LINGO2: variants seen among roughly 807,000 people sequenced by gnomAD.
The protein encoded by LINGO2 is leucine rich repeat and Ig domain containing 2, also known as leucine-rich repeat and immunoglobulin-like domain-containing nogo receptor-interacting protein 2.
In LINGO2, 14 loss-of-function variants were observed where a neutral mutation model predicts 30.6. That is an observed-to-expected ratio of 0.46 (90% CI 0.30 to 0.72). LINGO2 has a LOEUF of 0.72. Ranked by LOEUF, LINGO2 falls within the 30% of genes least tolerant of loss-of-function variation. LINGO2 has a pLI of 0.07. For synonymous variants in LINGO2, 317 were observed against 288.5 expected, an observed-to-expected ratio of 1.10 and a Z score of -1.00; for missense variants, 729 against 751.7, an observed-to-expected ratio of 0.97 and a Z score of 0.35.
At chr9:28,664,820 C>T (rs978145169) in intron 1 of LINGO2, among the ~76,000 whole-genome samples, 66 of 151,756 alleles carry the variant, frequency 4.3e-4, no homozygotes, top group African/African-American at 1.5e-3. Context: ...CAACACAATT[C>T]AAAGTAGCCA....
chr9:29,147,732 A>C, the LINGO2 span, among the ~76,000 whole-genome samples: 1 of 152,098 alleles, frequency 6.6e-6, no homozygotes, highest in Admixed American at 6.5e-5. Context: ...TTTATTTCTG[A>C]GGACAAGCCA....
rs200988453 is a variant in LINGO2 at position 28,028,710 on chromosome 9, CCATG to C, written c.-86-16309_-86-16306del. 1.9e-3 allele frequency among the ~76,000 whole-genome samples: 286 copies of C among 152,110 alleles called. 2 individuals carry two copies. The highest frequency in any genetic ancestry group is 0.014 in the Middle Eastern group (4 of 294). On this transcript the variant is annotated intron_variant, in intron 4 of 5. Transcript: ENST00000379992. ...TTGTAACATTAAAACAATATAAATG[CCATG>C]CAAATTGTTATATTGTATTTGTGTT... is the stretch of plus-strand genomic sequence containing the variant.
chr9:27,945,963 AT>A (rs1215533965), downstream of LINGO2, among the ~76,000 whole-genome samples: 4 of 152,082 alleles, frequency 2.6e-5, no homozygotes, highest in Admixed American at 2.6e-4. Flanking sequence ...CACAGTCAAT[AT>A]TTTTTTGGTA....
chr9:29,128,466 A>G, the LINGO2 span, among the ~76,000 whole-genome samples: 6 of 152,112 alleles, frequency 3.9e-5, no homozygotes, highest in East Asian at 3.9e-4. Context: ...TTTGGCCCCA[A>G]TATTGTTTGG....
intron 4 of LINGO2, among the ~76,000 whole-genome samples, chr9:28,201,180 A>T (rs576368795): frequency 2.1e-4 from 30 of 145,240 alleles, no homozygotes; most frequent in African/African-American, 7.4e-4. Flanking sequence ...GCACCCACTA[A>T]CTCGTCATCT....
In LINGO2 at chr9:28,292,139, T is replaced by C. The variant is rs186004714; in HGVS notation, c.-87+3069A>G. Among the ~76,000 whole-genome samples the C allele has an allele frequency of 4.6e-5, 7 of 152,334 alleles. No homozygotes were observed. The East Asian group carries it at 1.4e-3, about 29-fold the overall frequency. ...CATTTGATCTGTGGAAGCACTTGTT[T>C]GGATAAGTTAGGCTCCAACATGTAT... On this transcript the variant is annotated intron_variant, in intron 4 of 5. Transcript: ENST00000379992.
At chr9:28,145,424 T>C (rs561112442) in intron 4 of LINGO2, among the ~76,000 whole-genome samples, 4 of 152,352 alleles carry the variant, frequency 2.6e-5, no homozygotes, top group Admixed American at 2.6e-4. Flanking sequence ...TATGTTTATA[T>C]AGTATTTTCT....
chr9:29,101,989 T>TA, the LINGO2 span, among the ~76,000 whole-genome samples: 1 of 152,180 alleles, frequency 6.6e-6, no homozygotes, highest in Non-Finnish European at 1.5e-5. Context: ...CCAGCTTCCA[T>TA]AGTGCTTTAT....
At chr9:28,877,719 T>C in the LINGO2 span, among the ~76,000 whole-genome samples, 12 of 152,324 alleles carry the variant, frequency 7.9e-5, no homozygotes, top group Admixed American at 5.9e-4. Context: ...GGCTTAGGAT[T>C]GACTTGGCAA....
intron 4 of LINGO2, among the ~76,000 whole-genome samples, chr9:28,293,396 C>A (rs1378998676): frequency 6.6e-6 from 1 of 152,152 alleles, no homozygotes; most frequent in Non-Finnish European, 1.5e-5. Flanking sequence ...CTGTACCCAG[C>A]CACAAATTCT....
At chr9:29,032,972 A>C in the LINGO2 span, among the ~76,000 whole-genome samples, 2 of 152,130 alleles carry the variant, frequency 1.3e-5, no homozygotes, top group Admixed American at 1.3e-4. Context: ...GGACTAGTGG[A>C]ATGAATTTGA....
chr9:28,040,553 G>A (rs1232508735), intron 4 of LINGO2, among the ~76,000 whole-genome samples: 1 of 145,720 alleles, frequency 6.9e-6, no homozygotes, highest in Non-Finnish European at 1.5e-5. Flanking sequence ...TATGAACCAT[G>A]TCATAATAGA....
At chr9:28,538,393 A>G (rs1184916666) in intron 1 of LINGO2, among the ~76,000 whole-genome samples, 2 of 152,066 alleles carry the variant, frequency 1.3e-5, no homozygotes, top group African/African-American at 4.8e-5. Context: ...TATTTGGAAG[A>G]GGTTGATAGA....
the LINGO2 span, among the ~76,000 whole-genome samples, chr9:28,876,385 G>T: frequency 8.6e-5 from 13 of 151,506 alleles, no homozygotes; most frequent in East Asian, 1.9e-3. Context: ...TATCTCCTAA[G>T]GCTATCCCTC....
At chr9:28,230,462 A>C (rs1821318481) in intron 4 of LINGO2, among the ~76,000 whole-genome samples, 1 of 151,840 alleles carries the variant, frequency 6.6e-6, no homozygotes, top group Non-Finnish European at 1.5e-5. Context: ...TGTTTCAATA[A>C]CTGTAGCTTT....
At chr9:28,053,463 T>A (rs1358760306) in intron 4 of LINGO2, among the ~76,000 whole-genome samples, 2 of 152,156 alleles carry the variant, frequency 1.3e-5, no homozygotes, top group Non-Finnish European at 2.9e-5. Context: ...GGTAGTTGTT[T>A]ATTCACATCT....
the LINGO2 span, among the ~76,000 whole-genome samples, chr9:29,058,702 T>G: frequency 1.3e-5 from 2 of 151,250 alleles, no homozygotes; most frequent in Non-Finnish European, 3.0e-5. Context: ...AAAGAAAATT[T>G]TAGAAGCAAT....
the LINGO2 span, among the ~76,000 whole-genome samples, chr9:28,918,208 G>A: frequency 1.3e-5 from 2 of 152,168 alleles, no homozygotes; most frequent in Non-Finnish European, 2.9e-5. Flanking sequence ...ACATGGTGGC[G>A]GCAAGAGAAA....
intron 1 of LINGO2, among the ~76,000 whole-genome samples, chr9:28,490,362 A>G (rs564139398): frequency 6.6e-6 from 1 of 152,346 alleles, no homozygotes; most frequent in South Asian, 2.1e-4. Context: ...GTGTTTGTTA[A>G]AAAGCAAATT....
Sources: gnomAD v4.1 joint callset for allele counts (sites outside exome capture counted in the v4.1 genomes callset) on GRCh38, gnomAD v4.1.1 for gene constraint, MANE v1.5 for transcripts, NCBI Gene and HGNC (gene_info 2026-07-23, HGNC 2026-07-21) for gene names.